Variants in ZNF362 observed in about 807,000 individuals in gnomAD.
The protein encoded by ZNF362 is rotund homolog.
In ZNF362, 11 loss-of-function variants were observed where a neutral mutation model predicts 42.9. The observed-to-expected ratio is 0.26, with a 90% confidence interval of 0.16 to 0.42. The LOEUF is 0.42. Ranked by LOEUF, ZNF362 falls within the 20% of genes least tolerant of loss-of-function variation. ZNF362 has a pLI of 1.00. For missense variants in ZNF362, 362 were observed against 576.2 expected (o/e 0.63, Z 3.81); for synonymous variants, 255 against 257.3 (o/e 0.99, Z 0.09).
chr1:33,166,742 A>G, the ZNF362 span, among the ~76,000 whole-genome samples: 1 of 152,182 alleles, frequency 6.6e-6, no homozygotes, highest in African/African-American at 2.4e-5. Flanking sequence ...GAATAACAAC[A>G]AATCCACAAC....
the ZNF362 span, chr1:33,164,491 T>C: frequency 6.6e-6 from 1 of 152,422 alleles, no homozygotes; most frequent in Admixed American, 6.5e-5. Context: ...ATGGGAAGGC[T>C]GGGGACCCAG....
At chr1:33,201,814 T>C in the ZNF362 span, among the ~76,000 whole-genome samples, 3 of 152,066 alleles carry the variant, frequency 2.0e-5, no homozygotes, top group Admixed American at 6.6e-5. Flanking sequence ...AGAACATCAA[T>C]GACAACAAAA....
At chr1:33,222,601 A>G in the ZNF362 span, among the ~76,000 whole-genome samples, 1 of 152,220 alleles carries the variant, frequency 6.6e-6, no homozygotes, top group African/African-American at 2.4e-5. Flanking sequence ...TCTAATAGCT[A>G]GCTGTTATCT....
the ZNF362 span, chr1:33,164,766 T>TATTC: frequency 4.6e-4 from 70 of 151,722 alleles, no homozygotes; most frequent in African/African-American, 9.7e-4. Flanking sequence ...GCAATGGGCT[T>TATTC]ATTCATTCAT....
the ZNF362 span, among the ~76,000 whole-genome samples, chr1:33,136,814 T>C: frequency 2.0e-5 from 3 of 151,138 alleles, no homozygotes; most frequent in Admixed American, 2.0e-4. Context: ...CTGGCCAATA[T>C]GGTGAAACCC....
the ZNF362 span, chr1:33,180,884 A>C: frequency 1.2e-5 from 4 of 342,320 alleles, no homozygotes; most frequent in Non-Finnish European, 2.0e-5. Flanking sequence ...TACTCCTGAT[A>C]GGGCCCTGAC....
At chr1:33,239,687 G>A in the ZNF362 span, among the ~76,000 whole-genome samples, 1 of 152,100 alleles carries the variant, frequency 6.6e-6, no homozygotes. Context: ...TTACTATCAC[G>A]AGAACAGCAT....
chr1:33,248,166 C>T, the ZNF362 span, among the ~76,000 whole-genome samples: 2 of 152,230 alleles, frequency 1.3e-5, no homozygotes, highest in Admixed American at 6.5e-5. Flanking sequence ...TAACTTGCCA[C>T]AGGTACTACT....
the ZNF362 span, among the ~76,000 whole-genome samples, chr1:33,179,911 G>C: frequency 1.4e-5 from 2 of 145,100 alleles, no homozygotes; most frequent in African/African-American, 4.9e-5. Context: ...AATTCTCCAA[G>C]GGGGTGGGTA....
the ZNF362 span, among the ~76,000 whole-genome samples, chr1:33,160,364 T>A: frequency 6.6e-6 from 1 of 151,998 alleles, no homozygotes; most frequent in African/African-American, 2.4e-5. Flanking sequence ...GTGAAGATGT[T>A]CTCTCAAGGA....
the ZNF362 span, among the ~76,000 whole-genome samples, chr1:33,209,558 T>G: frequency 6.6e-6 from 1 of 152,186 alleles, no homozygotes; most frequent in Non-Finnish European, 1.5e-5. Context: ...GGTCCTGGAC[T>G]TTTTTTGGTT....
the ZNF362 span, among the ~76,000 whole-genome samples, chr1:33,214,641 T>C: frequency 1.3e-5 from 2 of 152,060 alleles, no homozygotes; most frequent in African/African-American, 4.8e-5. Flanking sequence ...CTCAGACAAC[T>C]TGATCAGAAA....
Position 33,276,583 on chromosome 1 carries a change from G to A in ZNF362, c.338G>A (p.Ser113Asn), listed in dbSNP as rs959218462. ...DVALHARPAT[S>N]TVTGLGLSTR... is the part of the protein sequence containing the mutation. ...GCGCTGCACGCACGGCCGGCCACCA[G>A]CACCGTCACAGGTAGGCCGAGCGGG... Residue 113 changes from serine (S) to asparagine (N), a missense_variant, in exon 4 of 9, where the codon AGC (serine) becomes AAC (asparagine). Ser to Asn is a conservative substitution (Grantham distance 46). This residue lies in a region of ZNF362 where 266 missense variants were observed against 365.4 expected (regional missense o/e 0.73). Transcript: ENST00000539719. 7.3e-7 allele frequency: 1 copy of A among 1,369,728 alleles called. No homozygotes were observed. Among genetic ancestry groups the A allele is most frequent in the Non-Finnish European group, 9.4e-7 (1 of 1,067,814 alleles). The allele number at this position is 1,369,728 out of a possible 1,614,324, so 84.8% of individuals were successfully genotyped here. A position where few individuals can be genotyped will look rare whatever the true frequency, so the allele number is the denominator to read the frequency against.
intron 2 of ZNF362, among the ~76,000 whole-genome samples, chr1:33,275,784 G>A (rs977418488): frequency 2.6e-5 from 4 of 152,186 alleles, no homozygotes; most frequent in African/African-American, 9.7e-5. Flanking sequence ...GCCCTCCTGG[G>A]GGATGGAGAT....
chr1:33,207,086 G>T, the ZNF362 span, among the ~76,000 whole-genome samples: 1 of 151,930 alleles, frequency 6.6e-6, no homozygotes. Flanking sequence ...TTCTCCTAAT[G>T]CTATCCCTCC....
chr1:33,269,133 C>T (rs1292170576), intron 1 of ZNF362, among the ~76,000 whole-genome samples: 6 of 152,324 alleles, frequency 3.9e-5, no homozygotes, highest in Non-Finnish European at 5.9e-5. Flanking sequence ...GAGGCTGAGG[C>T]TGTGCAGGGC....
the ZNF362 span, among the ~76,000 whole-genome samples, chr1:33,162,052 G>T: frequency 4.3e-4 from 66 of 152,158 alleles, no homozygotes; most frequent in Non-Finnish European, 7.9e-4. Context: ...ATCCCTCTGG[G>T]GTCCCACAGG....
chr1:33,187,874 A>G, the ZNF362 span, among the ~76,000 whole-genome samples: 2 of 152,338 alleles, frequency 1.3e-5, no homozygotes, highest in African/African-American at 4.8e-5. Context: ...CTTGGCTTCC[A>G]GACCTATGTA....
chr1:33,292,677 C>T (rs571843554), intron 6 of ZNF362, among the ~76,000 whole-genome samples: 108 of 152,256 alleles, frequency 7.1e-4, no homozygotes, highest in African/African-American at 2.5e-3. Flanking sequence ...TGGTAGAACT[C>T]GGCTGTGAAT....
Sources: allele counts gnomAD v4.1 joint callset (sites outside exome capture counted in the v4.1 genomes callset), GRCh38; gene constraint gnomAD v4.1.1; regional missense constraint gnomAD v4.1.1; transcripts MANE v1.5; gene names NCBI Gene and HGNC (gene_info 2026-07-23, HGNC 2026-07-21).